CSMD1: variants seen among roughly 807,000 people sequenced by gnomAD.
CSMD1 encodes CUB and Sushi multiple domains 1, also known as CUB and sushi domain-containing protein 1.
CSMD1 carries 213 observed loss-of-function variants against 417.5 expected under a neutral mutation model. The ratio of observed to expected loss-of-function variants is 0.51; its 90% CI spans 0.46 to 0.57. The LOEUF is 0.57. Ranked by LOEUF, CSMD1 falls within the 20% of genes least tolerant of loss-of-function variation. The probability of loss-of-function intolerance (pLI) is 0.00; values close to 1 mark genes in which losing one functional copy is unlikely to be tolerated. For missense variants in CSMD1, 6,923 were observed against 4,529.7 expected (o/e 1.53, Z -15.17); for synonymous variants, 2,862 against 1,736.8 (o/e 1.65, Z -16.11).
chr8:3,320,279 C>T (rs986561226), intron 23 of CSMD1, among the ~76,000 whole-genome samples: 1 of 152,066 alleles, frequency 6.6e-6, no homozygotes, highest in African/African-American at 2.4e-5. Flanking sequence ...TGAGTTCTTC[C>T]CAAATTCTGT....
chr8:4,631,714 C>A (rs569227455), intron 2 of CSMD1, among the ~76,000 whole-genome samples: 7 of 152,144 alleles, frequency 4.6e-5, no homozygotes, highest in African/African-American at 1.7e-4. Context: ...TCTATTTTAA[C>A]AACACTTATT....
At chr8:4,746,437 G>T (rs906397721) in intron 1 of CSMD1, among the ~76,000 whole-genome samples, 1 of 152,216 alleles carries the variant, frequency 6.6e-6, no homozygotes, top group African/African-American at 2.4e-5. Flanking sequence ...GCGAATGGAA[G>T]TGGACTTGCT....
At chr8:3,469,020 TTACTC>T (rs1816937751) in intron 11 of CSMD1, 196 bp from the exon 12 acceptor site, 1 of 444,576 alleles carries the variant, frequency 2.2e-6, no homozygotes. Context: ...TTTACAGAAA[TTACTC>T]TATTCTATGG....
intron 58 of CSMD1, among the ~76,000 whole-genome samples, chr8:2,966,263 C>G (rs992129141): frequency 2.0e-5 from 3 of 152,060 alleles, no homozygotes; most frequent in African/African-American, 2.4e-5. Context: ...GCCAGAGAAC[C>G]AAAGACATTT....
chr8:3,342,458 A>G, intron 23 of CSMD1, among the ~76,000 whole-genome samples: 1 of 152,252 alleles, frequency 6.6e-6, no homozygotes, highest in East Asian at 1.9e-4. Flanking sequence ...GAAGGATTTG[A>G]CAATTTTATA....
intron 1 of CSMD1, among the ~76,000 whole-genome samples, chr8:4,979,033 T>C (rs11781399): frequency 0.17 from 25,346 of 152,166 alleles, 2,333 homozygotes; most frequent in East Asian, 0.31. Context: ...TTTCCTATTA[T>C]TTCCTCTCAT....
At chr8:4,696,132 G>A (rs756762340) in intron 1 of CSMD1, among the ~76,000 whole-genome samples, 1 of 152,150 alleles carries the variant, frequency 6.6e-6, no homozygotes, top group Non-Finnish European at 1.5e-5. Flanking sequence ...AGAATTCAGA[G>A]AACAGTTTTT....
At chr8:4,932,083 A>C (rs984072815) in intron 1 of CSMD1, among the ~76,000 whole-genome samples, 21 of 152,216 alleles carry the variant, frequency 1.4e-4, no homozygotes, top group Admixed American at 3.3e-4. Flanking sequence ...GCATGAATGC[A>C]TTTATTAAAG....
intron 3 of CSMD1, among the ~76,000 whole-genome samples, chr8:4,275,595 T>C (rs982577600): frequency 1.3e-5 from 2 of 152,164 alleles, no homozygotes; most frequent in African/African-American, 2.4e-5. Context: ...AAAGGTAATA[T>C]TGTAATTTTT....
At position 3,567,049 on chromosome 8, in the gene CSMD1, G is replaced by C. The variant is rs144326801; in HGVS notation, c.1344+7896C>G. On this transcript the variant is annotated intron_variant, in intron 10 of 69. Coordinates refer to ENST00000635120, the MANE Select transcript of CSMD1 (RefSeq NM_033225.6). ...CTAAATGCCCATCGATGGTAGACTG[G>C]ATAAAGAAAATTGGTACATGTATAC... 7.2e-4 allele frequency among the ~76,000 whole-genome samples: 110 copies of C among 152,308 alleles called. 2 individuals are homozygous for C. The East Asian group carries it at 0.017, about 23-fold the overall frequency.
chr8:3,817,202 G>C (rs561649849), intron 5 of CSMD1, among the ~76,000 whole-genome samples: 32 of 127,914 alleles, frequency 2.5e-4, no homozygotes, highest in Non-Finnish European at 4.8e-5. Flanking sequence ...ATGGTCAATT[G>C]TCCACTCTGG....
At chr8:3,782,992 T>C (rs976285307) in intron 5 of CSMD1, among the ~76,000 whole-genome samples, 1 of 152,170 alleles carries the variant, frequency 6.6e-6, no homozygotes, top group Admixed American at 6.5e-5. Flanking sequence ...ATAAGCAAAA[T>C]TAAGCACAAC....
intron 26 of CSMD1, among the ~76,000 whole-genome samples, chr8:3,273,187 A>T (rs1802001266): frequency 6.6e-6 from 1 of 150,818 alleles, no homozygotes; most frequent in African/African-American, 2.5e-5. Context: ...CTATTGAGAT[A>T]ATCATGTGGT....
In CSMD1 at chr8:2,957,706, G is replaced by A. The variant is rs1272990323; in HGVS notation, c.9804C>T (p.Thr3268=). ...AGAAATCACACTTACGTATACATTC[G>A]GTCTGTATCCCACTCCATGTTAAAT... ...LANLTWSGIQ[T]ECIPHACRQP... is the part of the protein sequence containing the mutation. Residue 3268 remains threonine (T), a synonymous_variant, in exon 63 of 70, where the codon ACC becomes ACT. Transcript: ENST00000635120. 6.3e-6 allele frequency: 10 copies of A among 1,582,690 alleles called. No homozygotes were observed. The highest frequency in any genetic ancestry group is 2.7e-5 in the African/African-American group (2 of 74,446).
chr8:3,030,232 A>G (rs369599958), intron 50 of CSMD1, among the ~76,000 whole-genome samples: 10 of 152,088 alleles, frequency 6.6e-5, no homozygotes, highest in Non-Finnish European at 1.3e-4. Context: ...TACTGAAAAT[A>G]TATACAGAGT....
intron 6 of CSMD1, among the ~76,000 whole-genome samples, chr8:3,745,181 C>T (rs931978088): frequency 6.6e-6 from 1 of 152,214 alleles, no homozygotes; most frequent in Non-Finnish European, 1.5e-5. Flanking sequence ...ATTTTGAACT[C>T]TATCATTTCT....
intron 1 of CSMD1, among the ~76,000 whole-genome samples, chr8:4,840,623 A>G (rs1443378709): frequency 6.6e-6 from 1 of 152,218 alleles, no homozygotes; most frequent in Non-Finnish European, 1.5e-5. Flanking sequence ...GAATTACATT[A>G]CCGAATGAGC....
chr8:3,821,206 C>T (rs753056027), intron 5 of CSMD1, among the ~76,000 whole-genome samples: 24 of 152,276 alleles, frequency 1.6e-4, no homozygotes, highest in Admixed American at 2.6e-4. Flanking sequence ...GTGTGAACCA[C>T]CGTACCCAGC....
At chr8:3,005,631 A>T (rs998069907) in intron 52 of CSMD1, among the ~76,000 whole-genome samples, 1 of 152,200 alleles carries the variant, frequency 6.6e-6, no homozygotes, top group African/African-American at 2.4e-5. Flanking sequence ...ACAAATCAAT[A>T]AATGTAATCC....
Sources: gnomAD v4.1 joint callset for allele counts (sites outside exome capture counted in the v4.1 genomes callset) on GRCh38, gnomAD v4.1.1 for gene constraint, MANE v1.5 for transcripts, NCBI Gene and HGNC (gene_info 2026-07-23, HGNC 2026-07-21) for gene names.